The following NID1 variants were observed in gnomAD, a reference collection of about 807,000 sequenced individuals.
NID1 encodes the protein nidogen-1.
NID1 carries 76 observed loss-of-function variants against 130.6 expected under a neutral mutation model. The observed-to-expected ratio is 0.58, with a 90% CI of 0.48 to 0.70. The LOEUF is 0.70. Ranked by LOEUF, NID1 falls within the 30% of genes least tolerant of loss-of-function variation. The pLI, the probability that NID1 is intolerant of heterozygous loss-of-function variation, is 0.00. For synonymous variants in NID1, 665 were observed against 675.1 expected, an observed-to-expected ratio of 0.98 and a Z score of 0.23; for missense variants, 1,517 against 1,664.8, an observed-to-expected ratio of 0.91 and a Z score of 1.54.
chr1:236,006,129 C>T (rs1658241295), intron 12 of NID1, among the ~76,000 whole-genome samples: 1 of 152,134 alleles, frequency 6.6e-6, no homozygotes, highest in African/African-American at 2.4e-5. Context: ...ATTACAAATA[C>T]AGTTTTAGCT....
chr1:236,059,645 A>T (rs1659987704), intron 1 of NID1, among the ~76,000 whole-genome samples: 1 of 152,194 alleles, frequency 6.6e-6, no homozygotes, highest in Admixed American at 6.5e-5. Context: ...CATGAAATAG[A>T]AATAGAAACA....
At position 236,012,088 on chromosome 1, in the gene NID1, G is replaced by C. The variant is rs756131217; in HGVS notation, c.2405-45C>G. On this transcript the variant is annotated intron_variant, in intron 11 of 19. Transcript: ENST00000264187. ...CCCAGGGACAATGAGATTTCTTCTG[G>C]AATTCGTAGTTTACCCAATAATTTA... The C allele has an allele frequency of 3.1e-6, 5 of 1,591,680 alleles. No homozygotes were observed. The Admixed American group carries it at 6.7e-5, about 21-fold the overall frequency.
rs766734755 is a variant in NID1 at position 236,042,213 on chromosome 1, C to G, written c.832G>C (p.Asp278His). ...CCATCTTCAGTTCCGAGGATCACGT[C>G]TGCAGGCACCACGCCATTGGTGGTG... The part of the protein sequence containing the change: ...PATTNGVVPA[D>H]VILGTEDGAE... The change falls in exon 4 of 20, where the codon GAC becomes CAC. Residue 278 changes from aspartate to histidine, a missense_variant. This residue lies in a region of NID1 where 1,329 missense variants were observed against 1,429.2 expected (regional missense o/e 0.93). Transcript: ENST00000264187. 1.2e-6 allele frequency: 2 copies of G among 1,613,060 alleles called. No homozygotes were observed. Among genetic ancestry groups the G allele is most frequent in the Admixed American group, 3.3e-5 (2 of 60,016 alleles).
At chr1:236,038,371 A>G (rs1572612113) in intron 4 of NID1, 118 bp from the exon 5 acceptor site, 2 of 1,066,452 alleles carry the variant, frequency 1.9e-6, no homozygotes, top group East Asian at 5.2e-5. Flanking sequence ...GGGCAATTCA[A>G]GGGACCAGGC....
At chr1:235,987,520 A>G (rs1483961456) in intron 14 of NID1, among the ~76,000 whole-genome samples, 1 of 152,200 alleles carries the variant, frequency 6.6e-6, no homozygotes, top group East Asian at 1.9e-4. Context: ...CAGAAGCACA[A>G]ACTTTTCCCT....
intron 2 of NID1, among the ~76,000 whole-genome samples, chr1:236,047,228 C>T (rs1167118662): frequency 3.9e-5 from 6 of 152,208 alleles, no homozygotes. Context: ...ATAGTTTTAG[C>T]ATTTCCCAAA....
rs1657265291 is a variant in NID1, at chr1:235,976,702, AATTAG to A, written c.*1160_*1164del. 1.3e-5 allele frequency: 2 copies of A among 152,206 alleles called. No individual in the cohort carries two copies. The highest frequency in any genetic ancestry group is 1.3e-4 in the Admixed American group (2 of 15,272). The allele number at this position is 152,206 out of a possible 1,614,324, so 9.4% of individuals were successfully genotyped here. On this transcript the variant is annotated 3_prime_UTR_variant, in exon 20 of 20. Transcript: ENST00000264187. Reference sequence around the variant, plus strand: ...CATGAAATGTGGCAATGATCCCTTTAATTAGATCATTGAGCAATAAAGGATATGAA... The same window carrying A: ...CATGAAATGTGGCAATGATCCCTTTAATCATTGAGCAATAAAGGATATGAA...
At chr1:236,015,572 A>T (rs1658566332) in intron 10 of NID1, among the ~76,000 whole-genome samples, 1 of 147,668 alleles carries the variant, frequency 6.8e-6, no homozygotes, top group Non-Finnish European at 1.5e-5. Flanking sequence ...TCTTGAACCC[A>T]GGAGGCAGAG....
intron 12 of NID1, among the ~76,000 whole-genome samples, chr1:236,008,190 T>C (rs1267584820): frequency 1.3e-5 from 2 of 152,220 alleles, no homozygotes; most frequent in Non-Finnish European, 2.9e-5. Context: ...TAAAAGAAAG[T>C]GAGAACAGCA....
intron 12 of NID1, among the ~76,000 whole-genome samples, chr1:236,003,478 G>C (rs1347453107): frequency 6.6e-6 from 1 of 152,220 alleles, no homozygotes; most frequent in African/African-American, 2.4e-5. Flanking sequence ...GCACCAGCCA[G>C]AAATGCAGAA....
At position 235,991,041 on chromosome 1, in the gene NID1, G is replaced by T. The variant is rs1406909074; in HGVS notation, c.2773C>A (p.Pro925Thr). ...ACCGCAGGTCCTTGGTGAATCGGGG[G>T]AGCCACTGTACTCAGACCTGCATGG... ...MTPPCLSTVAPPIHQGPAVPT... is the reference protein window; with the variant it reads ...MTPPCLSTVATPIHQGPAVPT... Residue 925 changes from proline (P) to threonine (T), a missense_variant, in exon 14 of 20, where the codon CCC becomes ACC. By Grantham distance (38) the Pro-to-Thr change is conservative. Around this residue, in one of 3 missense-constraint regions of NID1, gnomAD observed 1,329 missense variants for 1,429.2 expected, o/e 0.93. Transcript: ENST00000264187. 2 of 1,601,416 alleles carry T rather than the reference G, an allele frequency of 1.2e-6. No individual in the cohort carries two copies. The highest frequency in any genetic ancestry group is 1.3e-5 in the African/African-American group (1 of 74,624).
intron 12 of NID1, among the ~76,000 whole-genome samples, chr1:236,005,428 T>C (rs1184655217): frequency 6.6e-6 from 1 of 152,176 alleles, no homozygotes; most frequent in African/African-American, 2.4e-5. Flanking sequence ...TCTCAAGATA[T>C]TTGAACCAAC....
At chr1:236,002,485 AG>A (rs887996941) in intron 12 of NID1, among the ~76,000 whole-genome samples, 2 of 151,404 alleles carry the variant, frequency 1.3e-5, no homozygotes, top group Admixed American at 1.3e-4. Flanking sequence ...TCTGAGCAAC[AG>A]AGCGAGACTC....
At chr1:236,027,729 G>A (rs936254955) in intron 7 of NID1, among the ~76,000 whole-genome samples, 1 of 152,092 alleles carries the variant, frequency 6.6e-6, no homozygotes, top group Admixed American at 6.6e-5. Flanking sequence ...TTTCAGAGGT[G>A]GAGGCAGGAG....
rs1421081972 is a variant in NID1 at position 236,041,966 on chromosome 1, A to G, written c.1079T>C (p.Phe360Ser). Residue 360 changes from phenylalanine to serine, a missense_variant, in exon 4 of 20, where the codon TTT becomes TCT. By Grantham distance (155) the Phe-to-Ser change is radical. Transcript: ENST00000264187. ...TRSFQLAVET[F>S]HQQHPQVIDV... Reference sequence around the variant, plus strand: ...TATGACCTGAGGGTGCTGCTGGTGAAAAGTCTCCACTGCCAACTGGAAAGA... The same window carrying G: ...TATGACCTGAGGGTGCTGCTGGTGAGAAGTCTCCACTGCCAACTGGAAAGA... 3.1e-6 allele frequency: 5 copies of G among 1,614,026 alleles called. No homozygotes were observed. Among genetic ancestry groups the G allele is most frequent in the Non-Finnish European group, 4.2e-6 (5 of 1,179,972 alleles).
At chr1:236,047,012 G>A (rs1659621828) in intron 2 of NID1, among the ~76,000 whole-genome samples, 1 of 152,232 alleles carries the variant, frequency 6.6e-6, no homozygotes, top group African/African-American at 2.4e-5. Flanking sequence ...CTGGGAGGCT[G>A]AGGCAGGAGA....
intron 10 of NID1, 58 bp from the exon 11 acceptor site, chr1:236,013,618 A>G: frequency 6.2e-7 from 1 of 1,603,694 alleles, no homozygotes; most frequent in South Asian, 1.1e-5. Flanking sequence ...AGCAGGCCAC[A>G]TGCCCCTCCC....
chr1:236,044,261 C>T (rs542066531), intron 3 of NID1, among the ~76,000 whole-genome samples: 1 of 152,280 alleles, frequency 6.6e-6, no homozygotes, highest in South Asian at 2.1e-4. Context: ...AGGAATTTTG[C>T]AAGCCAGTTA....
intron 5 of NID1, among the ~76,000 whole-genome samples, chr1:236,034,292 G>A (rs1369165163): frequency 2.0e-5 from 3 of 151,854 alleles, no homozygotes; most frequent in Admixed American, 1.3e-4. Context: ...CATGGTGGCG[G>A]TCACCTATAA....
Sources: allele counts gnomAD v4.1 joint callset (sites outside exome capture counted in the v4.1 genomes callset), GRCh38; gene constraint gnomAD v4.1.1; regional missense constraint gnomAD v4.1.1; transcripts MANE v1.5; gene names NCBI Gene and HGNC (gene_info 2026-07-23, HGNC 2026-07-21).